The following PDZRN4 variants were observed in gnomAD, a reference collection of about 807,000 sequenced individuals.
PDZRN4 encodes the protein PDZ domain-containing RING finger protein 4.
Under a neutral mutation model 99.0 loss-of-function variants are expected in PDZRN4, and 70 were observed. The ratio of observed to expected loss-of-function variants is 0.71; its 90% CI spans 0.58 to 0.86. PDZRN4 has a LOEUF of 0.86. PDZRN4 is among the 40% of genes least tolerant of loss of function. The pLI is 0.00. For missense variants in PDZRN4, 1,474 were observed against 1,331.2 expected (o/e 1.11, Z -1.67); for synonymous variants, 551 against 501.6 (o/e 1.10, Z -1.32).
chr12:41,485,392 T>C (rs775756950), intron 3 of PDZRN4, among the ~76,000 whole-genome samples: 8 of 152,158 alleles, frequency 5.3e-5, no homozygotes, highest in Non-Finnish European at 1.2e-4. Flanking sequence ...TCAATTCCGG[T>C]ACGGAAATGA....
intron 5 of PDZRN4, among the ~76,000 whole-genome samples, chr12:41,546,549 A>C (rs1938956203): frequency 6.6e-6 from 1 of 152,200 alleles, no homozygotes; most frequent in African/African-American, 2.4e-5. Context: ...GTCAAACTAT[A>C]AACTGCTTGT....
At chr12:41,287,483 A>G (rs921776255) in intron 3 of PDZRN4, among the ~76,000 whole-genome samples, 1 of 152,232 alleles carries the variant, frequency 6.6e-6, no homozygotes, top group Non-Finnish European at 1.5e-5. Context: ...ATAGGAAATT[A>G]CTAAATTTGT....
intron 7 of PDZRN4, among the ~76,000 whole-genome samples, chr12:41,558,255 C>G (rs1939203441): frequency 6.6e-6 from 1 of 152,178 alleles, no homozygotes. Flanking sequence ...GAGTAAAATG[C>G]TCAGTGATTG....
At chr12:41,369,301 G>A (rs1952023532) in intron 3 of PDZRN4, among the ~76,000 whole-genome samples, 1 of 152,018 alleles carries the variant, frequency 6.6e-6, no homozygotes. Context: ...GTACAATTGT[G>A]CATTTGCCAA....
chr12:41,364,669 T>C (rs1218878766), intron 3 of PDZRN4, among the ~76,000 whole-genome samples: 1 of 152,052 alleles, frequency 6.6e-6, no homozygotes, highest in Admixed American at 6.6e-5. Flanking sequence ...CATTTTTGGT[T>C]GTGTATTTTA....
chr12:41,555,241 A>AAAAG (rs1555152866), intron 6 of PDZRN4, among the ~76,000 whole-genome samples: 1 of 119,964 alleles, frequency 8.3e-6, no homozygotes, highest in African/African-American at 3.2e-5. Flanking sequence ...AAAAAAAAAA[A>AAAAG]AAAAAAAAGA....
chr12:41,357,755 G>C (rs1389044126), intron 3 of PDZRN4, among the ~76,000 whole-genome samples: 1 of 151,962 alleles, frequency 6.6e-6, no homozygotes, highest in Non-Finnish European at 1.5e-5. Context: ...GTTAGCCTTC[G>C]CTGGCTGTTT....
chr12:41,535,251 T>G (rs376347089), intron 5 of PDZRN4, among the ~76,000 whole-genome samples: 1 of 152,238 alleles, frequency 6.6e-6, no homozygotes, highest in African/African-American at 2.4e-5. Context: ...TGTTTCTTTG[T>G]GTATTTTGTG....
At chr12:41,227,697 C>G (rs75332197) in intron 3 of PDZRN4, among the ~76,000 whole-genome samples, 3,624 of 152,076 alleles carry the variant, frequency 0.024, 111 homozygotes, top group African/African-American at 0.071. Context: ...AACATTAAGA[C>G]ATTGATGCTA....
chr12:41,347,577 T>TTGCA (rs1951862493), intron 3 of PDZRN4, among the ~76,000 whole-genome samples: 1 of 152,130 alleles, frequency 6.6e-6, no homozygotes. Flanking sequence ...TGGCAAATAC[T>TTGCA]TTTTCTTATT....
At chr12:41,206,061 A>C (rs530239823) in intron 3 of PDZRN4, among the ~76,000 whole-genome samples, 1 of 151,960 alleles carries the variant, frequency 6.6e-6, no homozygotes, top group Non-Finnish European at 1.5e-5. Context: ...GCATTTCACT[A>C]TATGACTCTA....
At chr12:41,552,575 CA>C (rs1939076630) in intron 5 of PDZRN4, 80 bp from the exon 6 acceptor site, 1 of 1,077,968 alleles carries the variant, frequency 9.3e-7, no homozygotes, top group South Asian at 1.4e-5. Context: ...CAGAGTAACC[CA>C]AAGAATATCA....
At chr12:41,470,931 A>T (rs1952983767) in intron 3 of PDZRN4, among the ~76,000 whole-genome samples, 2 of 152,182 alleles carry the variant, frequency 1.3e-5, no homozygotes, top group Admixed American at 1.3e-4. Context: ...AGCCATAGAC[A>T]ATAAACAGCC....
chr12:41,299,103 G>A (rs532619808), intron 3 of PDZRN4, among the ~76,000 whole-genome samples: 3 of 152,132 alleles, frequency 2.0e-5, no homozygotes, highest in African/African-American at 7.2e-5. Context: ...CAGGCAGTGA[G>A]CCTAGGTTCT....
At chr12:41,442,240 C>A (rs1161695611) in intron 3 of PDZRN4, among the ~76,000 whole-genome samples, 2 of 152,200 alleles carry the variant, frequency 1.3e-5, no homozygotes, top group South Asian at 2.1e-4. Context: ...ACCCTTGTAA[C>A]TTACTTCCAC....
At chr12:41,406,326 A>G (rs1298390874) in intron 3 of PDZRN4, among the ~76,000 whole-genome samples, 1 of 106,120 alleles carries the variant, frequency 9.4e-6, no homozygotes, top group East Asian at 2.0e-4. Flanking sequence ...GAAAAATAAA[A>G]CAGTTTGGTT....
intron 3 of PDZRN4, among the ~76,000 whole-genome samples, chr12:41,333,427 T>C (rs1487018331): frequency 1.3e-5 from 2 of 152,132 alleles, no homozygotes; most frequent in Non-Finnish European, 2.9e-5. Context: ...AACAGACTGC[T>C]TGCTCCATGA....
intron 3 of PDZRN4, among the ~76,000 whole-genome samples, chr12:41,257,708 G>T (rs934005047): frequency 1.3e-5 from 2 of 152,196 alleles, no homozygotes; most frequent in African/African-American, 4.8e-5. Context: ...AGGAGATTGG[G>T]TCTTTCAATT....
At chr12:41,473,965 C>A (rs955480161) in intron 3 of PDZRN4, among the ~76,000 whole-genome samples, 5 of 152,124 alleles carry the variant, frequency 3.3e-5, no homozygotes, top group African/African-American at 1.2e-4. Context: ...GATTTGAACA[C>A]CTGGTAGAAT....
Sources: gnomAD v4.1 joint callset for allele counts (sites outside exome capture counted in the v4.1 genomes callset) on GRCh38, gnomAD v4.1.1 for gene constraint, MANE v1.5 for transcripts, NCBI Gene and HGNC (gene_info 2026-07-23, HGNC 2026-07-21) for gene names.